The following SP3 variants were observed in gnomAD, a reference collection of about 807,000 sequenced individuals.
The protein encoded by SP3 is transcription factor Sp3.
In SP3, 10 loss-of-function variants were observed where a neutral mutation model predicts 70.3. The observed-to-expected ratio is 0.14, with a 90% CI of 0.09 to 0.24. The LOEUF (loss-of-function observed/expected upper bound fraction) is 0.24, where lower values mean the gene tolerates loss of function less well. Among genes scored for constraint, SP3 ranks in the 10% least tolerant of loss-of-function variants. The pLI, the probability that SP3 is intolerant of heterozygous loss-of-function variation, is 1.00. For synonymous variants in SP3, 402 were observed against 333.5 expected (o/e 1.21, Z -2.24); for missense variants, 825 against 914.6 (o/e 0.90, Z 1.26).
chr2:173,934,011 A>AGCTTGAGCCCAGGTGTTCAAG (rs1553516906), intron 4 of SP3, among the ~76,000 whole-genome samples: 1 of 151,984 alleles, frequency 6.6e-6, no homozygotes, highest in Non-Finnish European at 1.5e-5. Context: ...GTGGGAGGAT[A>AGCTTGAGCCCAGGTGTTCAAG]GCTTGAGCCC....
intron 4 of SP3, among the ~76,000 whole-genome samples, chr2:173,941,918 T>C (rs943181297): frequency 3.3e-5 from 5 of 152,204 alleles, no homozygotes; most frequent in South Asian, 4.1e-4. Flanking sequence ...CCACAGTAAG[T>C]AGTTTTTAGT....
At chr2:173,929,944 C>T (rs945011587) in intron 4 of SP3, among the ~76,000 whole-genome samples, 3 of 152,156 alleles carry the variant, frequency 2.0e-5, no homozygotes, top group Non-Finnish European at 4.4e-5. Flanking sequence ...GCGCCAATGT[C>T]CAGAACCAAA....
chr2:173,942,505 AC>A (rs1227413981), intron 4 of SP3, among the ~76,000 whole-genome samples: 2 of 152,120 alleles, frequency 1.3e-5, no homozygotes, highest in African/African-American at 2.4e-5. Context: ...GGTGGAAGTT[AC>A]AGTCAGCCAA....
At position 173,908,297 on chromosome 2, in the gene SP3, C is replaced by A. The variant is rs1213558759; in HGVS notation, c.*1644G>T. The A allele has an allele frequency of 6.6e-6, 1 of 152,058 alleles. No individual in the cohort carries two copies. Among genetic ancestry groups the A allele is most frequent in the African/African-American group, 2.4e-5 (1 of 41,390 alleles). 9.4% of individuals were successfully genotyped at this position (152,058 alleles called of 1,614,324 possible). ...GATATGAATCAATGTGGGCTAAGGG[C>A]TAAGACTTTTTTTCAAAAATTTTAT... On this transcript the variant is annotated 3_prime_UTR_variant, in exon 7 of 7. Transcript: ENST00000310015.
chr2:173,916,653 T>C (rs1293459009), intron 5 of SP3: 2 of 152,078 alleles, frequency 1.3e-5, no homozygotes, highest in African/African-American at 4.8e-5. Flanking sequence ...AAAATAATTG[T>C]AAAATTCATT....
intron 4 of SP3, among the ~76,000 whole-genome samples, chr2:173,950,125 C>A (rs1690668949): frequency 6.6e-6 from 1 of 152,044 alleles, no homozygotes; most frequent in Non-Finnish European, 1.5e-5. Context: ...AGGGTTTCAG[C>A]TTGGCGCCTG....
Position 173,955,398 on chromosome 2 carries a change from A to C in SP3, c.1114T>G (p.Tyr372Asp). The C allele has an allele frequency of 6.2e-7, 1 of 1,614,114 alleles. No individual in the cohort carries two copies. Among genetic ancestry groups the C allele is most frequent in the South Asian group, 1.1e-5 (1 of 91,082 alleles). The change falls in exon 4 of 7, where the codon TAT (tyrosine) becomes GAT (aspartate). Residue 372 changes from tyrosine (Y) to aspartate (D), a missense_variant. Physicochemically the swap from Tyr to Asp is radical, Grantham distance 160. Transcript: ENST00000310015. ...QVHSSDLQGNYIQSPVSEETQ... is the reference protein window; with the variant it reads ...QVHSSDLQGNDIQSPVSEETQ... Reference sequence around the variant, plus strand: ...TCTTCAGAAACAGGCGACTGGATATAATTTCCCTGAAGATCTGAAGAATGA... The same window carrying C: ...TCTTCAGAAACAGGCGACTGGATATCATTTCCCTGAAGATCTGAAGAATGA...
At position 173,918,622 on chromosome 2, in the gene SP3, G is replaced by A. The variant is rs766610280; in HGVS notation, c.1803C>T (p.Thr601=). 3.7e-6 allele frequency: 6 copies of A among 1,613,452 alleles called. No homozygotes were observed. The East Asian group carries it at 8.9e-5, about 24-fold the overall frequency. The change falls in exon 5 of 7, where the codon ACC becomes ACT. Residue 601 remains threonine (T), a synonymous_variant. Transcript: ENST00000310015. Reference sequence around the variant, plus strand: ...CACCACCTTCTTTACAGTTGGGACAGGTGCAAGCTACCCTCCGAAGTCTTT... The same window carrying A: ...CACCACCTTCTTTACAGTTGGGACAAGTGCAAGCTACCCTCCGAAGTCTTT... The part of the protein sequence containing the change: ...EGKRLRRVAC[T]CPNCKEGGGR...
intron 3 of SP3, among the ~76,000 whole-genome samples, chr2:173,961,133 T>G (rs922096099): frequency 6.6e-6 from 1 of 152,232 alleles, no homozygotes; most frequent in Non-Finnish European, 1.5e-5. Flanking sequence ...ACTACTAAAA[T>G]TAGCCACAAC....
intron 4 of SP3, among the ~76,000 whole-genome samples, chr2:173,923,405 C>T (rs11888996): frequency 1.3e-5 from 2 of 151,942 alleles, no homozygotes; most frequent in African/African-American, 2.4e-5. Context: ...AAAGATAAGG[C>T]TAATTTTCAG....
intron 4 of SP3, among the ~76,000 whole-genome samples, chr2:173,920,300 G>C (rs1689717106): frequency 6.6e-6 from 1 of 152,152 alleles, no homozygotes; most frequent in African/African-American, 2.4e-5. Flanking sequence ...GCACAGCACA[G>C]ACGTATTTTC....
At chr2:173,926,825 A>G in intron 4 of SP3, among the ~76,000 whole-genome samples, 1 of 152,204 alleles carries the variant, frequency 6.6e-6, no homozygotes, top group East Asian at 1.9e-4. Context: ...AAAAATAGCC[A>G]TGACAGAACA....
intron 6 of SP3, 26 bp downstream of exon 6, chr2:173,913,044 G>C: frequency 6.7e-7 from 1 of 1,495,152 alleles, no homozygotes; most frequent in South Asian, 1.4e-5. Flanking sequence ...ATTCATTTTT[G>C]TCTGTTAAAA....
Position 173,955,379 on chromosome 2 carries a change from G to A in SP3, c.1133C>T (p.Ser378Phe). ...LQGNYIQSPV[S>F]EETQAQNIQV... is the part of the protein sequence containing the mutation. Reference sequence around the variant, plus strand: ...AATATTCTGTGCCTGTGTCTCTTCAGAAACAGGCGACTGGATATAATTTCC... The same window carrying A: ...AATATTCTGTGCCTGTGTCTCTTCAAAAACAGGCGACTGGATATAATTTCC... Residue 378 changes from serine to phenylalanine, a missense_variant, in exon 4 of 7, where the codon TCT becomes TTT. By Grantham distance (155) the Ser-to-Phe change is radical (BLOSUM62 -2). Transcript: ENST00000310015. 6.2e-7 allele frequency: 1 copy of A among 1,614,006 alleles called. No homozygotes were observed. The highest frequency in any genetic ancestry group is 8.5e-7 in the Non-Finnish European group (1 of 1,179,986).
At chr2:173,956,571 G>A (rs1327428173) in intron 3 of SP3, among the ~76,000 whole-genome samples, 1 of 152,142 alleles carries the variant, frequency 6.6e-6, no homozygotes, top group Admixed American at 6.5e-5. Flanking sequence ...ACCAAATCAG[G>A]TGCATTATAT....
chr2:173,960,406 G>A (rs1413300841), intron 3 of SP3, among the ~76,000 whole-genome samples: 1 of 152,200 alleles, frequency 6.6e-6, no homozygotes, highest in East Asian at 1.9e-4. Context: ...GAACAGGTGT[G>A]AAGCTGAGGT....
At chr2:173,927,118 C>G (rs576361518) in intron 4 of SP3, among the ~76,000 whole-genome samples, 1 of 152,122 alleles carries the variant, frequency 6.6e-6, no homozygotes, top group Admixed American at 6.5e-5. Flanking sequence ...CTCACAAGAA[C>G]TCACTATCAC....
chr2:173,953,006 C>T (rs1690758274), intron 4 of SP3, among the ~76,000 whole-genome samples: 1 of 152,162 alleles, frequency 6.6e-6, no homozygotes, highest in Non-Finnish European at 1.5e-5. Flanking sequence ...ATAGTTACAA[C>T]CAGTGAATTG....
Position 173,928,573 on chromosome 2 carries a change from ACAATC to A in SP3, c.1640-9793_1640-9789del, listed in dbSNP as rs1285445069. ...TTCCAACACTTTCTGCAGACTGTAAACAATCCTGAGTTGGTATCAATATAAATAGA... is the reference window on the plus strand; with the variant it reads ...TTCCAACACTTTCTGCAGACTGTAAACTGAGTTGGTATCAATATAAATAGA... On this transcript the variant is annotated intron_variant, in intron 4 of 6. Coordinates refer to ENST00000310015, the MANE Select transcript of SP3 (RefSeq NM_003111.5). Among the ~76,000 whole-genome samples, 3 of 151,060 alleles carry A rather than the reference ACAATC, an allele frequency of 2.0e-5. No individual in the cohort carries two copies. In the East Asian group the frequency reaches 5.8e-4, roughly 29 times the overall value.
Sources: gnomAD v4.1 joint callset for allele counts (sites outside exome capture counted in the v4.1 genomes callset) on GRCh38, gnomAD v4.1.1 for gene constraint, MANE v1.5 for transcripts, NCBI Gene and HGNC (gene_info 2026-07-23, HGNC 2026-07-21) for gene names.